The following ARHGAP21 variants were observed in gnomAD, a reference collection of about 807,000 sequenced individuals.
ARHGAP21 encodes rho GTPase-activating protein 21.
A neutral mutation model predicts 164.6 loss-of-function variants in ARHGAP21; 38 were observed. That is an observed-to-expected ratio of 0.23 (90% CI 0.18 to 0.30). The LOEUF (loss-of-function observed/expected upper bound fraction) is 0.30, where lower values mean the gene tolerates loss of function less well. Ranked by LOEUF, ARHGAP21 falls within the 10% of genes least tolerant of loss-of-function variation. ARHGAP21 has a pLI of 1.00. For synonymous variants in ARHGAP21, 766 were observed against 857.9 expected, an observed-to-expected ratio of 0.89 and a Z score of 1.87; for missense variants, 1,822 against 2,370.7, an observed-to-expected ratio of 0.77 and a Z score of 4.81.
At chr10:24,597,900 C>T (rs2076653348) in intron 15 of ARHGAP21, 45 bp downstream of exon 15, 3 of 1,569,640 alleles carry the variant, frequency 1.9e-6, no homozygotes, top group Non-Finnish European at 2.6e-6. Flanking sequence ...GATGACTGTA[C>T]TGATTTTATA....
At chr10:24,692,683 G>T (rs1842849085) in intron 2 of ARHGAP21, among the ~76,000 whole-genome samples, 1 of 152,068 alleles carries the variant, frequency 6.6e-6, no homozygotes, top group East Asian at 1.9e-4. Flanking sequence ...AATACAAAAA[G>T]TAGCTGGGAG....
intron 7 of ARHGAP21, among the ~76,000 whole-genome samples, chr10:24,625,912 T>C (rs887515903): frequency 2.6e-5 from 4 of 152,196 alleles, no homozygotes; most frequent in African/African-American, 9.6e-5. Context: ...GGGTGACTTA[T>C]GGTAAGCCAC....
intron 16 of ARHGAP21, 141 bp from the exon 17 acceptor site, chr10:24,597,023 A>G: frequency 1.1e-6 from 1 of 885,886 alleles, no homozygotes; most frequent in South Asian, 2.2e-5. Context: ...TAACAAAAAT[A>G]TGTTCTCTTC....
chr10:24,591,244 G>C lies in ARHGAP21; in HGVS notation c.4131C>G (p.Val1377=), dbSNP rs2076317456. The change falls in exon 24 of 26, where the codon GTC becomes GTG. Residue 1377 remains valine (V), a synonymous_variant. Transcript: ENST00000396432. ...AGTTACCTGATACATCTCCTGGGGA[G>C]ACTCCTGTCCTTCCAATGTTGGTGA... ...HLLTNIGRTG[V]SPGDVSDSAT... is the part of the protein sequence containing the mutation. The C allele has an allele frequency of 6.2e-7, 1 of 1,611,966 alleles. No homozygotes were observed. The highest frequency in any genetic ancestry group is 8.5e-7 in the Non-Finnish European group (1 of 1,179,776).
intron 15 of ARHGAP21, among the ~76,000 whole-genome samples, 158 bp downstream of exon 15, chr10:24,597,787 C>T (rs895395450): frequency 1.3e-5 from 2 of 152,142 alleles, no homozygotes; most frequent in African/African-American, 2.4e-5. Context: ...CACTACCCGC[C>T]CATTACTATA....
At chr10:24,708,533 A>G (rs1844460023) in intron 2 of ARHGAP21, among the ~76,000 whole-genome samples, 1 of 152,166 alleles carries the variant, frequency 6.6e-6, no homozygotes, top group African/African-American at 2.4e-5. Context: ...CACCCAAATA[A>G]CACACACTGT....
chr10:24,609,679 G>GT lies in ARHGAP21; in HGVS notation c.2423-1777dup, dbSNP rs200144093. ...TTTTCTACCGGTTTAAAAATACTGT[G>GT]TTCGTTAGGAATAATCCAAATTCAA... On this transcript the variant is annotated intron_variant, in intron 9 of 25. Transcript: ENST00000396432. Among the ~76,000 whole-genome samples the GT allele has an allele frequency of 1.5e-3, 231 of 152,234 alleles. 5 individuals are homozygous for GT. The East Asian group carries it at 0.038, about 25-fold the overall frequency.
intron 2 of ARHGAP21, among the ~76,000 whole-genome samples, chr10:24,703,629 C>T (rs1843925975): frequency 6.6e-6 from 1 of 152,164 alleles, no homozygotes; most frequent in South Asian, 2.1e-4. Context: ...GCAGAATTCT[C>T]AGTATGCAAC....
intron 4 of ARHGAP21, among the ~76,000 whole-genome samples, chr10:24,659,280 G>C (rs1839427379): frequency 6.6e-6 from 1 of 152,152 alleles, no homozygotes; most frequent in Non-Finnish European, 1.5e-5. Context: ...TATACAAATG[G>C]ATCTTTTATT....
At chr10:24,715,495 T>C (rs927798717) in intron 2 of ARHGAP21, among the ~76,000 whole-genome samples, 3 of 152,242 alleles carry the variant, frequency 2.0e-5, no homozygotes, top group African/African-American at 7.2e-5. Flanking sequence ...TTAATTATCA[T>C]GATCTCATCT....
intron 7 of ARHGAP21, chr10:24,628,900 T>C (rs1156243508): frequency 2.7e-5 from 2 of 74,194 alleles, no homozygotes; most frequent in Admixed American, 1.6e-4. Flanking sequence ...TATACATACA[T>C]ATATACACAT....
intron 11 of ARHGAP21, 134 bp from the exon 12 acceptor site, chr10:24,604,482 C>T: frequency 1.9e-6 from 1 of 515,784 alleles, no homozygotes; most frequent in Middle Eastern, 5.4e-4. Flanking sequence ...TAAATGTCCA[C>T]TATTCAATGG....
chr10:24,638,116 C>T (rs1019615826), intron 4 of ARHGAP21, among the ~76,000 whole-genome samples: 2 of 152,204 alleles, frequency 1.3e-5, no homozygotes, highest in South Asian at 2.1e-4. Context: ...CCACCCTCCT[C>T]GGCTTCCCAA....
intron 2 of ARHGAP21, among the ~76,000 whole-genome samples, chr10:24,699,725 G>T (rs1843487166): frequency 6.6e-6 from 1 of 152,232 alleles, no homozygotes; most frequent in East Asian, 1.9e-4. Flanking sequence ...TCACTCCCTG[G>T]GCCTGCGTGC....
rs1239969555 is a variant in ARHGAP21, at chr10:24,607,742, T to C, written c.2581+3A>G. Reference sequence around the variant, plus strand: ...GGTTTACAAAACCACCCTTTAGACGTACCGTGGTCATGTGAGAGCTGACGG... The same window carrying C: ...GGTTTACAAAACCACCCTTTAGACGCACCGTGGTCATGTGAGAGCTGACGG... On this transcript the variant is annotated splice_donor_region_variant and intron_variant, in intron 10 of 25. Coordinates refer to ENST00000396432, the MANE Select transcript of ARHGAP21 (RefSeq NM_020824.4). 1.2e-6 allele frequency: 2 copies of C among 1,613,634 alleles called. No homozygotes were observed. Among genetic ancestry groups the C allele is most frequent in the African/African-American group, 2.7e-5 (2 of 74,928 alleles).
At position 24,589,154 on chromosome 10, in the gene ARHGAP21, T is replaced by C. The variant is rs1040835299; in HGVS notation, c.4182+117A>G. On this transcript the variant is annotated intron_variant, in intron 25 of 25. Transcript: ENST00000396432. ...GTTTTAGGAATTAATTTTTTGATTATACTTTGTTGCTCTGTCTCATTAGAC... is the reference window on the plus strand; with the variant it reads ...GTTTTAGGAATTAATTTTTTGATTACACTTTGTTGCTCTGTCTCATTAGAC... 1.2e-5 allele frequency: 11 copies of C among 886,918 alleles called. No individual in the cohort carries two copies. The African/African-American group carries it at 1.9e-4, about 15-fold the overall frequency. 54.9% of individuals were successfully genotyped at this position (886,918 alleles called of 1,614,324 possible).
intron 3 of ARHGAP21, 61 bp downstream of exon 3, chr10:24,670,157 A>G: frequency 8.2e-7 from 1 of 1,224,360 alleles, no homozygotes; most frequent in Non-Finnish European, 1.1e-6. Flanking sequence ...GAGGAAGACT[A>G]GAAGGGGATA....
At position 24,690,867 on chromosome 10, in the gene ARHGAP21, T is replaced by C. The variant is rs185860670; in HGVS notation, c.64-20470A>G. Among the ~76,000 whole-genome samples, 51 of 150,326 alleles carry C rather than the reference T, an allele frequency of 3.4e-4. 1 individual carries two copies. The highest frequency in any genetic ancestry group is 1.9e-3 in the Admixed American group (29 of 15,014). On this transcript the variant is annotated intron_variant, in intron 2 of 25. Coordinates refer to ENST00000396432, the MANE Select transcript of ARHGAP21 (RefSeq NM_020824.4). Reference sequence around the variant, plus strand: ...ATATATATATATACACATATATATATACACACACACACATAAACACACACA... The same window carrying C: ...ATATATATATATACACATATATATACACACACACACACATAAACACACACA...
At chr10:24,590,651 C>T in intron 24 of ARHGAP21, 1 of 1,368,740 alleles carries the variant, frequency 7.3e-7, no homozygotes, top group African/African-American at 1.5e-5. Context: ...AGAACTAATA[C>T]TTAACCAAGC....
Sources: allele counts gnomAD v4.1 joint callset (sites outside exome capture counted in the v4.1 genomes callset), GRCh38; gene constraint gnomAD v4.1.1; transcripts MANE v1.5; gene names NCBI Gene and HGNC (gene_info 2026-07-23, HGNC 2026-07-21).